The following SLIT2 variants were observed in gnomAD, a reference collection of about 807,000 sequenced individuals.
SLIT2 encodes slit homolog 2 protein.
Under a neutral mutation model 185.7 loss-of-function variants are expected in SLIT2, and 41 were observed. The observed-to-expected ratio is 0.22, with a 90% confidence interval of 0.17 to 0.29. The LOEUF (loss-of-function observed/expected upper bound fraction) is 0.29, where lower values mean the gene tolerates loss of function less well. SLIT2 is among the 10% of genes least tolerant of loss of function. The probability of loss-of-function intolerance (pLI) is 1.00; values close to 1 mark genes in which losing one functional copy is unlikely to be tolerated. For missense variants in SLIT2, 1,571 were observed against 1,909.0 expected (o/e 0.82, Z 3.30); for synonymous variants, 693 against 680.2 (o/e 1.02, Z -0.29).
intron 9 of SLIT2, among the ~76,000 whole-genome samples, chr4:20,493,416 C>A (rs923115529): frequency 1.3e-5 from 2 of 152,158 alleles, no homozygotes; most frequent in African/African-American, 4.8e-5. Context: ...TATTAAGTGA[C>A]TATTTACTAC....
chr4:20,454,338 A>G (rs1403079081), intron 4 of SLIT2, among the ~76,000 whole-genome samples: 1 of 152,190 alleles, frequency 6.6e-6, no homozygotes, highest in Non-Finnish European at 1.5e-5. Context: ...CATGAAAATA[A>G]TTCTTTTCCC....
intron 4 of SLIT2, among the ~76,000 whole-genome samples, chr4:20,397,586 T>G (rs913667446): frequency 6.6e-6 from 1 of 151,832 alleles, no homozygotes; most frequent in Non-Finnish European, 1.5e-5. Context: ...AGTTATAAAT[T>G]GTCATAATCT....
At chr4:20,466,201 A>T (rs1481350592) in intron 4 of SLIT2, among the ~76,000 whole-genome samples, 1 of 152,030 alleles carries the variant, frequency 6.6e-6, no homozygotes, top group African/African-American at 2.4e-5. Flanking sequence ...TGTTTCTGTC[A>T]TCGAGGCTTT....
intron 4 of SLIT2, among the ~76,000 whole-genome samples, chr4:20,310,012 C>T (rs1047080993): frequency 4.6e-5 from 7 of 152,052 alleles, no homozygotes; most frequent in South Asian, 2.1e-4. Flanking sequence ...CTGCCCGCCT[C>T]GGCCTCCCCA....
In SLIT2 at chr4:20,472,246, C is replaced by CTA. The variant is rs546128488; in HGVS notation, c.467+4430_467+4431dup. Among the ~76,000 whole-genome samples the CTA allele has an allele frequency of 3.8e-3, 150 of 39,692 alleles. 12 individuals carry two copies. In the East Asian group the frequency reaches 0.078, roughly 21 times the overall value. 26.0% of individuals were successfully genotyped at this position (39,692 alleles called of 152,430 possible). On this transcript the variant is annotated intron_variant, in intron 5 of 36. Coordinates refer to ENST00000504154, the MANE Select transcript of SLIT2 (RefSeq NM_004787.4). ...TGTATATATATATAGATCTATATATCTATATATAGATCTATATATAGATAT... is the reference window on the plus strand; with the variant it reads ...TGTATATATATATAGATCTATATATCTATATATATAGATCTATATATAGATAT...
chr4:20,367,083 A>G (rs978351097), intron 4 of SLIT2, among the ~76,000 whole-genome samples: 1 of 152,130 alleles, frequency 6.6e-6, no homozygotes, highest in Non-Finnish European at 1.5e-5. Context: ...ACAGGCATGA[A>G]CCACTGTACC....
chr4:20,518,565 A>T (rs1481531081), intron 11 of SLIT2, among the ~76,000 whole-genome samples: 1 of 11,350 alleles, frequency 8.8e-5, no homozygotes, highest in Non-Finnish European at 1.6e-4. Context: ...ATGTATATAT[A>T]TATATATATA....
rs1331643608 is a variant in SLIT2, at chr4:20,573,247, T to C, written c.3088+4243T>C. On this transcript the variant is annotated intron_variant, in intron 29 of 36. Coordinates refer to ENST00000504154, the MANE Select transcript of SLIT2 (RefSeq NM_004787.4). ...TGTCGCTGCCAGCTGCTAATCTGAATGAGGTGGAAAAAGGTTAGTTGCCTT... is the reference window on the plus strand; with the variant it reads ...TGTCGCTGCCAGCTGCTAATCTGAACGAGGTGGAAAAAGGTTAGTTGCCTT... The C allele has an allele frequency of 1.4e-5, 10 of 702,978 alleles. No homozygotes were observed. The Admixed American group carries it at 2.0e-4, about 14-fold the overall frequency. The allele number at this position is 702,978 out of a possible 1,614,324, so 43.5% of individuals were successfully genotyped here. A position where few individuals can be genotyped will look rare whatever the true frequency, so the allele number is the denominator to read the frequency against.
rs1164219547 is a variant in SLIT2 at position 20,469,535 on chromosome 4, T to A, written c.467+1712T>A. On this transcript the variant is annotated intron_variant, in intron 5 of 36. Transcript: ENST00000504154. ...GTCAGTGTTCTATCTAATGGGATGT[T>A]GATTTAGCAAAGTTTTCAAATCTTT... Among the ~76,000 whole-genome samples, 3 of 152,166 alleles carry A rather than the reference T, an allele frequency of 2.0e-5. No individual in the cohort carries two copies. The East Asian group carries it at 5.8e-4, about 29-fold the overall frequency.
chr4:20,256,842 TA>T, intron 2 of SLIT2, 99 bp downstream of exon 2: 1 of 564,662 alleles, frequency 1.8e-6, no homozygotes. Context: ...GACAGTAACA[TA>T]AAACATTTAA....
chr4:20,283,113 C>CGT lies in SLIT2; in HGVS notation c.395+14233_395+14234insTG, dbSNP rs548496184. Among the ~76,000 whole-genome samples, 136 of 117,390 alleles carry CGT rather than the reference C, an allele frequency of 1.2e-3. 1 individual carries two copies. Among genetic ancestry groups the CGT allele is most frequent in the African/African-American group, 4.4e-3 (130 of 29,386 alleles). 77.0% of individuals were successfully genotyped at this position (117,390 alleles called of 152,430 possible). Reference sequence around the variant, plus strand: ...TGTGTGTTGCCTGTGTGCCTGTGTGCGCGCGCGCACACACACACACACACA... The same window carrying CGT: ...TGTGTGTTGCCTGTGTGCCTGTGTGCGTGCGCGCGCACACACACACACACACA... On this transcript the variant is annotated intron_variant, in intron 4 of 36. Coordinates refer to ENST00000504154, the MANE Select transcript of SLIT2 (RefSeq NM_004787.4).
intron 7 of SLIT2, among the ~76,000 whole-genome samples, chr4:20,486,956 T>C (rs887712942): frequency 4.6e-5 from 7 of 152,036 alleles, no homozygotes; most frequent in Non-Finnish European, 1.0e-4. Flanking sequence ...ACATATAACG[T>C]GTAGGACATG....
intron 4 of SLIT2, among the ~76,000 whole-genome samples, chr4:20,463,515 ATG>A (rs375793654): frequency 0.19 from 21,819 of 111,974 alleles, 2,356 homozygotes; most frequent in Non-Finnish European, 0.25. Context: ...ATATCCATAT[ATG>A]TGTGTGTGTG....
At chr4:20,483,633 G>A (rs1430676858) in intron 6 of SLIT2, among the ~76,000 whole-genome samples, 1 of 151,936 alleles carries the variant, frequency 6.6e-6, no homozygotes, top group Non-Finnish European at 1.5e-5. Context: ...TCTGCCAAAC[G>A]ATATGCATGG....
intron 29 of SLIT2, chr4:20,573,269 C>T (rs771054371): frequency 1.1e-5 from 8 of 702,900 alleles, no homozygotes; most frequent in Non-Finnish European, 1.6e-5. Context: ...AGGTTAGTTG[C>T]CTTTTAAGTC....
chr4:20,473,425 G>T (rs1282707673), intron 5 of SLIT2, among the ~76,000 whole-genome samples: 5 of 151,930 alleles, frequency 3.3e-5, no homozygotes, highest in African/African-American at 1.2e-4. Flanking sequence ...ATATCATTTG[G>T]AAAATAAATA....
At chr4:20,604,279 T>C (rs939319313) in intron 33 of SLIT2, among the ~76,000 whole-genome samples, 7 of 152,256 alleles carry the variant, frequency 4.6e-5, no homozygotes, top group Non-Finnish European at 8.8e-5. Flanking sequence ...GTTTTAAAAG[T>C]ACTGATTAAA....
At chr4:20,566,448 T>A (rs1242546635) in intron 26 of SLIT2, among the ~76,000 whole-genome samples, 1 of 152,098 alleles carries the variant, frequency 6.6e-6, no homozygotes, top group Non-Finnish European at 1.5e-5. Context: ...TCCACATTGT[T>A]AGTCATTTGT....
intron 4 of SLIT2, among the ~76,000 whole-genome samples, chr4:20,332,223 C>A (rs888503147): frequency 2.6e-5 from 4 of 152,130 alleles, no homozygotes; most frequent in African/African-American, 4.8e-5. Flanking sequence ...CACACCCACA[C>A]TTTTGCCTAA....
Sources: gnomAD v4.1 joint callset for allele counts (sites outside exome capture counted in the v4.1 genomes callset) on GRCh38, gnomAD v4.1.1 for gene constraint, MANE v1.5 for transcripts, NCBI Gene and HGNC (gene_info 2026-07-23, HGNC 2026-07-21) for gene names.